The following SEMA5A variants were observed in gnomAD, a reference collection of about 807,000 sequenced individuals.
SEMA5A encodes the protein semaphorin 5A, also known as semaphorin-5A.
A neutral mutation model predicts 135.5 loss-of-function variants in SEMA5A; 55 were observed. The ratio of observed to expected loss-of-function variants is 0.41; its 90% confidence interval spans 0.33 to 0.51. The LOEUF is 0.51. Among genes scored for constraint, SEMA5A ranks in the 20% least tolerant of loss-of-function variants. The probability of loss-of-function intolerance (pLI) is 0.37; values close to 1 mark genes in which losing one functional copy is unlikely to be tolerated. For missense variants in SEMA5A, 1,290 were observed against 1,419.9 expected, an observed-to-expected ratio of 0.91 and a Z score of 1.47; for synonymous variants, 580 against 546.5, an observed-to-expected ratio of 1.06 and a Z score of -0.85.
Position 9,199,654 on chromosome 5 carries a change from T to TA in SEMA5A, c.932+2300dup, listed in dbSNP as rs553899768. On this transcript the variant is annotated intron_variant, in intron 9 of 22. Coordinates refer to ENST00000382496, the MANE Select transcript of SEMA5A (RefSeq NM_003966.3). ...TCAAGGTAATAACTTACAAGAGCAA[T>TA]AAAAAAATCCTACCCCCCACCGCAA... Among the ~76,000 whole-genome samples, 42 of 152,226 alleles carry TA rather than the reference T, an allele frequency of 2.8e-4. No homozygotes were observed. The South Asian group carries it at 8.1e-3, about 29-fold the overall frequency.
intron 1 of SEMA5A, among the ~76,000 whole-genome samples, chr5:9,439,334 T>C (rs1378542763): frequency 6.6e-6 from 1 of 152,222 alleles, no homozygotes; most frequent in African/African-American, 2.4e-5. Flanking sequence ...CTTTATTAAA[T>C]GGCATGTTTG....
intron 11 of SEMA5A, among the ~76,000 whole-genome samples, chr5:9,190,033 A>G (rs1454581849): frequency 6.6e-6 from 1 of 152,252 alleles, no homozygotes; most frequent in African/African-American, 2.4e-5. Context: ...TAGCAAAGAA[A>G]CAAGCCATTG....
chr5:9,203,778 C>T (rs554794440), intron 8 of SEMA5A, among the ~76,000 whole-genome samples: 1 of 152,090 alleles, frequency 6.6e-6, no homozygotes, highest in South Asian at 2.1e-4. Flanking sequence ...AACCGTCCAA[C>T]ATATTCTTAA....
chr5:9,414,855 G>T (rs764566714), intron 2 of SEMA5A, among the ~76,000 whole-genome samples: 1 of 152,130 alleles, frequency 6.6e-6, no homozygotes, highest in Non-Finnish European at 1.5e-5. Flanking sequence ...CCAAGAGCCC[G>T]TTACCTTGTA....
chr5:9,367,409 T>C (rs902508393), intron 3 of SEMA5A: 5 of 152,154 alleles, frequency 3.3e-5, no homozygotes, highest in Non-Finnish European at 7.4e-5. Context: ...AAAGAAGAAT[T>C]GCATGCATTA....
intron 4 of SEMA5A, among the ~76,000 whole-genome samples, chr5:9,321,968 C>T (rs375489803): frequency 5.3e-5 from 8 of 152,220 alleles, no homozygotes; most frequent in African/African-American, 7.2e-5. Context: ...TGAGAAAAGA[C>T]GATAGCACAG....
chr5:9,054,607 A>C (rs569073789), intron 18 of SEMA5A, among the ~76,000 whole-genome samples: 1 of 152,300 alleles, frequency 6.6e-6, no homozygotes, highest in South Asian at 2.1e-4. Flanking sequence ...AGCCCCTGAG[A>C]ACAACCATGA....
intron 1 of SEMA5A, among the ~76,000 whole-genome samples, chr5:9,451,770 C>T (rs1033941449): frequency 5.3e-5 from 8 of 152,074 alleles, no homozygotes; most frequent in Non-Finnish European, 1.0e-4. Flanking sequence ...AAGAAATGGC[C>T]CAGGTTTCTT....
chr5:9,347,639 T>C (rs1753935015), intron 3 of SEMA5A, among the ~76,000 whole-genome samples: 1 of 152,056 alleles, frequency 6.6e-6, no homozygotes, highest in Admixed American at 6.6e-5. Flanking sequence ...CAACCTGTGA[T>C]TGTAGGAAAA....
intron 12 of SEMA5A, among the ~76,000 whole-genome samples, chr5:9,144,289 A>G (rs1355364755): frequency 2.0e-5 from 3 of 152,206 alleles, no homozygotes; most frequent in Non-Finnish European, 4.4e-5. Flanking sequence ...CTTCTGTGAA[A>G]TAGGGTTTAA....
intron 21 of SEMA5A, among the ~76,000 whole-genome samples, 178 bp downstream of exon 21, chr5:9,050,232 G>T (rs1237452136): frequency 6.6e-6 from 1 of 152,108 alleles, no homozygotes; most frequent in African/African-American, 2.4e-5. Flanking sequence ...CCACCGATCG[G>T]TACATCAAAT....
At position 9,522,069 on chromosome 5, in the gene SEMA5A, G is replaced by A. The variant is rs148319285; in HGVS notation, c.-175+23515C>T. ...CCGTCGCATAGCCTTCGCCTGCATG[G>A]ATTGAACTTAGCAGCCCTTTCTTCT... On this transcript the variant is annotated intron_variant, in intron 1 of 22. Transcript: ENST00000382496. Among the ~76,000 whole-genome samples, 362 of 152,234 alleles carry A rather than the reference G, an allele frequency of 2.4e-3. 3 individuals are homozygous for A. Among genetic ancestry groups the A allele is most frequent in the African/African-American group, 8.4e-3 (350 of 41,536 alleles).
At chr5:9,282,354 G>A (rs1376176616) in intron 5 of SEMA5A, among the ~76,000 whole-genome samples, 3 of 152,192 alleles carry the variant, frequency 2.0e-5, no homozygotes, top group Non-Finnish European at 4.4e-5. Context: ...CAAGCGGTGA[G>A]TCCTGTGAAC....
At chr5:9,121,885 T>A (rs1000549625) in intron 14 of SEMA5A, among the ~76,000 whole-genome samples, 1 of 152,332 alleles carries the variant, frequency 6.6e-6, no homozygotes, top group East Asian at 1.9e-4. Flanking sequence ...CAATCTGATT[T>A]CCACTGTTAG....
At chr5:9,528,290 C>G (rs867557785) in intron 1 of SEMA5A, among the ~76,000 whole-genome samples, 1 of 152,198 alleles carries the variant, frequency 6.6e-6, no homozygotes, top group Non-Finnish European at 1.5e-5. Flanking sequence ...AACCGAAGGT[C>G]CCCAAGAAGT....
At chr5:9,258,803 CTTTTTTTTTTTT>C (rs748703578) in intron 5 of SEMA5A, among the ~76,000 whole-genome samples, 4 of 48,990 alleles carry the variant, frequency 8.2e-5, no homozygotes, top group South Asian at 9.8e-4. Context: ...TTCTTTCTTT[CTTTTTTTTTTTT>C]TTTTTTTTTT....
rs180925029 is a variant in SEMA5A at position 9,281,214 on chromosome 5, T to C, written c.270+37158A>G. ...ATCTTTACTTCTATAGGAATAAAAT[T>C]TCCATTTTCCCTCTAGCACAGAATT... On this transcript the variant is annotated intron_variant, in intron 5 of 22. Transcript: ENST00000382496. Among the ~76,000 whole-genome samples the C allele has an allele frequency of 1.2e-4, 18 of 152,332 alleles. No homozygotes were observed. The East Asian group carries it at 3.3e-3, about 28-fold the overall frequency.
intron 11 of SEMA5A, among the ~76,000 whole-genome samples, chr5:9,176,871 T>C (rs1028053465): frequency 6.6e-6 from 1 of 152,194 alleles, no homozygotes; most frequent in African/African-American, 2.4e-5. Flanking sequence ...CTCAGGAATG[T>C]GAGTTAAAGA....
At chr5:9,180,797 G>T (rs1412183987) in intron 11 of SEMA5A, among the ~76,000 whole-genome samples, 1 of 151,712 alleles carries the variant, frequency 6.6e-6, no homozygotes, top group African/African-American at 2.4e-5. Flanking sequence ...AAAAAAATTT[G>T]CAGGGAGAAA....
Sources: allele counts gnomAD v4.1 joint callset (sites outside exome capture counted in the v4.1 genomes callset), GRCh38; gene constraint gnomAD v4.1.1; transcripts MANE v1.5; gene names NCBI Gene and HGNC (gene_info 2026-07-23, HGNC 2026-07-21).